SLC19A1: variants seen among roughly 807,000 people sequenced by gnomAD.
SLC19A1 encodes the protein solute carrier family 19 member 1.
Under a neutral mutation model 35.3 loss-of-function variants are expected in SLC19A1, and 37 were observed. The observed-to-expected ratio is 1.05, with a 90% CI of 0.81 to 1.38. The LOEUF (loss-of-function observed/expected upper bound fraction) is 1.38, where lower values mean the gene tolerates loss of function less well. Ranked by LOEUF, SLC19A1 falls within the 40% of genes most tolerant of loss-of-function variation. The probability of loss-of-function intolerance (pLI) is 0.00; values close to 1 mark genes in which losing one functional copy is unlikely to be tolerated. For missense variants in SLC19A1, 831 were observed against 826.9 expected (o/e 1.00, Z -0.06); for synonymous variants, 460 against 398.5 (o/e 1.15, Z -1.84).
chr21:45,555,035 G>A (rs2146503818), intron 1 of SLC19A1, among the ~76,000 whole-genome samples: 1 of 150,560 alleles, frequency 6.6e-6, no homozygotes, highest in Non-Finnish European at 1.5e-5. Context: ...CTGTGCGCGC[G>A]CCTGGAGGCC....
Position 45,537,809 on chromosome 21 carries a change from AG to A in SLC19A1, c.150del (p.Tyr51ThrfsTer153). ...QIRPGESFIT[P>X]YLLGPDKNFT... ...AAGTTCTTGTCGGGCCCCAGGAGGT[AG>A]GGGGTGATGAAGCTCTCCCCTGGCC... is the stretch of plus-strand genomic sequence containing the variant. On this transcript the variant is annotated frameshift_variant, in exon 2 of 6. Coordinates refer to ENST00000311124, the MANE Select transcript of SLC19A1 (RefSeq NM_194255.4). LOFTEE classifies it high-confidence loss of function. 3 of 1,519,910 alleles carry A rather than the reference AG, an allele frequency of 2.0e-6. No individual in the cohort carries two copies. The highest frequency in any genetic ancestry group is 1.8e-6 in the Non-Finnish European group (2 of 1,128,316). 94.2% of individuals were successfully genotyped at this position (1,519,910 alleles called of 1,614,324 possible). A position where few individuals can be genotyped will look rare whatever the true frequency, so the allele number is the denominator to read the frequency against.
chr21:45,556,107 G>A (rs562692819), intron 1 of SLC19A1, among the ~76,000 whole-genome samples: 1 of 152,304 alleles, frequency 6.6e-6, no homozygotes, highest in African/African-American at 2.4e-5. Flanking sequence ...CCTGAGCATC[G>A]GGCGGCCACC....
upstream of SLC19A1, among the ~76,000 whole-genome samples, chr21:45,545,134 C>T (rs1371995306): frequency 6.6e-6 from 1 of 152,236 alleles, no homozygotes; most frequent in East Asian, 1.9e-4. Flanking sequence ...GAGACGTGCA[C>T]ATGCAGATGG....
downstream of SLC19A1, chr21:45,511,168 A>G (rs759015377): frequency 1.9e-6 from 3 of 1,601,522 alleles, no homozygotes; most frequent in Non-Finnish European, 2.6e-6. Flanking sequence ...GGGTCCGCTG[A>G]AGCCCGGGGC....
At chr21:45,549,495 G>C (rs898220537) in intron 1 of SLC19A1, among the ~76,000 whole-genome samples, 3 of 150,704 alleles carry the variant, frequency 2.0e-5, no homozygotes, top group Non-Finnish European at 4.4e-5. Context: ...GCTGGAAGTG[G>C]GGGAAAGGCC....
chr21:45,539,216 G>C (rs1334117622), intron 1 of SLC19A1, among the ~76,000 whole-genome samples: 1 of 152,212 alleles, frequency 6.6e-6, no homozygotes, highest in Non-Finnish European at 1.5e-5. Flanking sequence ...ACCTGGCCCT[G>C]GTCCCCCACA....
chr21:45,515,961 G>A lies in SLC19A1; in HGVS notation c.1473C>T (p.Leu491=), dbSNP rs746644091. Reference sequence around the variant, plus strand: ...GGCTCTGGGCTGGCTGCAGGCCTCCGAGGCCCTTGTCCTGCACGCTCAGTG... The same window carrying A: ...GGCTCTGGGCTGGCTGCAGGCCTCCAAGGCCCTTGTCCTGCACGCTCAGTG... ...AQALSVQDKG[L]GGLQPAQSPP... is the part of the protein sequence containing the mutation. Residue 491 remains leucine (L), a synonymous_variant, in exon 6 of 6, where the codon CTC becomes CTT. Transcript: ENST00000311124. 3.6e-5 allele frequency: 55 copies of A among 1,540,960 alleles called. No individual in the cohort carries two copies. The highest frequency in any genetic ancestry group is 7.3e-5 in the South Asian group (6 of 82,718).
At chr21:45,511,554 G>A (rs543847652), downstream of SLC19A1, among the ~76,000 whole-genome samples, 10 of 152,206 alleles carry the variant, frequency 6.6e-5, no homozygotes, top group East Asian at 1.9e-4. Flanking sequence ...TTTATTCACC[G>A]AGAATAAACT....
intron 1 of SLC19A1, 80 bp from the exon 2 acceptor site, chr21:45,538,088 G>T: frequency 1.3e-6 from 1 of 768,094 alleles, no homozygotes; most frequent in Non-Finnish European, 1.9e-6. Context: ...GCCCAGTGCC[G>T]GCCTCCTCGC....
chr21:45,530,924 G>A lies in SLC19A1; in HGVS notation c.997C>T (p.Arg333Cys), dbSNP rs751719682. Residue 333 changes from arginine to cysteine, a missense_variant, in exon 4 of 6, where the codon CGC becomes TGC. Arg to Cys is a radical substitution (Grantham distance 180, BLOSUM62 -3). Coordinates refer to ENST00000311124, the MANE Select transcript of SLC19A1 (RefSeq NM_194255.4). The surrounding 1 kb of genome is among the most constrained non-coding windows in gnomAD (Gnocchi z 5.3). ...CCCGCGATGAGCAGCTTGGACCAGC[G>A]CGCCCAGCGGATCTTCACGAAGCCC... The part of the protein sequence containing the change: ...AAGFVKIRWA[R>C]WSKLLIAGVT... 8 of 1,458,722 alleles carry A rather than the reference G, an allele frequency of 5.5e-6. No individual in the cohort carries two copies. Among genetic ancestry groups the A allele is most frequent in the Non-Finnish European group, 5.4e-6 (6 of 1,107,232 alleles). 90.4% of individuals were successfully genotyped at this position (1,458,722 alleles called of 1,614,324 possible). A position where few individuals can be genotyped will look rare whatever the true frequency, so the allele number is the denominator to read the frequency against.
At chr21:45,529,633 A>AAACGTGTGGTGTGTCCATGTGTG (rs2077780787) in intron 4 of SLC19A1, among the ~76,000 whole-genome samples, 2 of 145,242 alleles carry the variant, frequency 1.4e-5, no homozygotes, top group South Asian at 2.2e-4. Context: ...GTCCATGTGT[A>AAACGTGTGGTGTGTCCATGTGTG]AACGTGTGGT....
downstream of SLC19A1, chr21:45,509,580 C>A (rs2037449442): frequency 6.6e-7 from 1 of 1,523,462 alleles, no homozygotes; most frequent in Non-Finnish European, 8.8e-7. Flanking sequence ...CCGCCCACAG[C>A]CACCGCGACT....
upstream of SLC19A1, among the ~76,000 whole-genome samples, chr21:45,548,904 C>A (rs2078438998): frequency 6.6e-6 from 1 of 152,158 alleles, no homozygotes; most frequent in African/African-American, 2.4e-5. Context: ...GCTGACAATA[C>A]TAAGTGTTGA....
At chr21:45,510,883 C>T (rs971619747), downstream of SLC19A1, among the ~76,000 whole-genome samples, 5 of 152,038 alleles carry the variant, frequency 3.3e-5, no homozygotes, top group Non-Finnish European at 7.4e-5. Flanking sequence ...GGCTCCCCCA[C>T]GCTTGTTCCC....
At chr21:45,525,124 C>T (rs1488796604) in intron 5 of SLC19A1, among the ~76,000 whole-genome samples, 6 of 152,314 alleles carry the variant, frequency 3.9e-5, no homozygotes, top group Non-Finnish European at 5.9e-5. Flanking sequence ...GAACAGACTC[C>T]GCACCCTCAG....
intron 2 of SLC19A1, among the ~76,000 whole-genome samples, chr21:45,532,503 A>G (rs1222473994): frequency 1.3e-5 from 2 of 152,096 alleles, no homozygotes; most frequent in Admixed American, 1.3e-4. Context: ...GCACGATCTT[A>G]GCTCATTGCA....
chr21:45,509,293 C>T, downstream of SLC19A1: 2 of 1,532,574 alleles, frequency 1.3e-6, no homozygotes, highest in East Asian at 2.5e-5. Context: ...GAGGAGGACA[C>T]AGATGGAGGA....
intron 2 of SLC19A1, among the ~76,000 whole-genome samples, chr21:45,535,096 C>A (rs947654054): frequency 3.9e-5 from 6 of 152,234 alleles, no homozygotes; most frequent in African/African-American, 1.4e-4. Flanking sequence ...CAGAAGGGCA[C>A]CCAACAGGGG....
At chr21:45,511,149 A>C, downstream of SLC19A1, 1 of 1,595,308 alleles carries the variant, frequency 6.3e-7, no homozygotes, top group Non-Finnish European at 8.5e-7. Context: ...CTCTGTTCTC[A>C]GGCTCTGAGG....
Sources: gnomAD v4.1 joint callset for allele counts (sites outside exome capture counted in the v4.1 genomes callset) on GRCh38, gnomAD v4.1.1 for gene constraint, Gnocchi (gnomAD v3.1) non-coding constraint, MANE v1.5 for transcripts, NCBI Gene and HGNC (gene_info 2026-07-23, HGNC 2026-07-21) for gene names.